RNPS1: variants seen among roughly 807,000 people sequenced by gnomAD.
RNPS1 encodes RNA binding protein with serine rich domain 1.
For synonymous variants in RNPS1, 147 were observed against 150.0 expected (o/e 0.98, Z 0.15); for missense variants, 300 against 427.6 (o/e 0.70, Z 2.63).
chr16:2,267,022 C>T (rs1034347878), intron 1 of RNPS1: 1 of 381,152 alleles, frequency 2.6e-6, no homozygotes, highest in Non-Finnish European at 3.6e-6. Context: ...GCCCCACCCC[C>T]CCAAGAACTA....
intron 1 of RNPS1, chr16:2,267,719 G>A: frequency 2.4e-6 from 3 of 1,253,840 alleles, no homozygotes; most frequent in Non-Finnish European, 3.0e-6. Flanking sequence ...CCTGGCGTTG[G>A]GGGCTTGGGT....
intron 7 of RNPS1, 116 bp from the exon 8 acceptor site, chr16:2,254,179 A>G: frequency 2.7e-6 from 2 of 735,820 alleles, no homozygotes; most frequent in Non-Finnish European, 4.2e-6. Context: ...CTCTGTCTCC[A>G]GGCCAGAGTG....
intron 1 of RNPS1, 91 bp downstream of exon 1, chr16:2,267,963 GC>G: frequency 1.3e-6 from 2 of 1,533,214 alleles, no homozygotes; most frequent in Non-Finnish European, 8.7e-7. Flanking sequence ...GCACTGCGGG[GC>G]TGAGGAGTGG....
intron 6 of RNPS1, among the ~76,000 whole-genome samples, chr16:2,259,266 G>C (rs771850491): frequency 6.6e-6 from 1 of 152,102 alleles, no homozygotes; most frequent in Non-Finnish European, 1.5e-5. Context: ...GGCTGTATTT[G>C]TATAAATGTT....
intron 7 of RNPS1, among the ~76,000 whole-genome samples, chr16:2,255,002 A>T (rs2141533719): frequency 6.6e-6 from 1 of 152,254 alleles, no homozygotes; most frequent in African/African-American, 2.4e-5. Context: ...TCAGCCTCCC[A>T]AAGTGATTAC....
In RNPS1 at chr16:2,264,519, C is replaced by T; in HGVS notation, c.71+54G>A. ...TCTCAACTTTCCCCTTTCTGCGGGTCCCTAGCAGTAAGCACCCCCAAGTAG... is the reference window on the plus strand; with the variant it reads ...TCTCAACTTTCCCCTTTCTGCGGGTTCCTAGCAGTAAGCACCCCCAAGTAG... On this transcript the variant is annotated intron_variant, in intron 2 of 7. Transcript: ENST00000320225. 1.9e-6 allele frequency: 3 copies of T among 1,568,464 alleles called. No homozygotes were observed. In the South Asian group the frequency reaches 3.3e-5, roughly 17 times the overall value.
intron 7 of RNPS1, among the ~76,000 whole-genome samples, chr16:2,254,921 T>G: frequency 6.6e-6 from 1 of 151,522 alleles, no homozygotes. Context: ...TTTTTGTATT[T>G]TTAGTAGAGA....
In RNPS1 at chr16:2,267,926, C is replaced by T; in HGVS notation, c.-118+129G>A. 12 of 1,529,592 alleles carry T rather than the reference C, an allele frequency of 7.8e-6. No individual in the cohort carries two copies. The South Asian group carries it at 1.4e-4, about 18-fold the overall frequency. The allele number at this position is 1,529,592 out of a possible 1,614,324, so 94.8% of individuals were successfully genotyped here. A position where few individuals can be genotyped will look rare whatever the true frequency, so the allele number is the denominator to read the frequency against. On this transcript the variant is annotated intron_variant, in intron 1 of 7. Transcript: ENST00000320225. ...CGGGCCACACTCTTTCTTCTCGGAG[C>T]CCGCACCGCGCTGCCAGGCCACCGC...
chr16:2,259,362 T>C (rs542440594), intron 6 of RNPS1, among the ~76,000 whole-genome samples: 36 of 151,664 alleles, frequency 2.4e-4, no homozygotes, highest in Non-Finnish European at 4.7e-4. Context: ...ATAATTGTTA[T>C]GTTAAATTAT....
chr16:2,259,591 T>TAAA (rs1426472331), intron 6 of RNPS1, among the ~76,000 whole-genome samples: 1 of 152,208 alleles, frequency 6.6e-6, no homozygotes, highest in Non-Finnish European at 1.5e-5. Flanking sequence ...TTCAGGACTC[T>TAAA]TAAAGAGCTA....
rs1316061817 is a variant in RNPS1 at position 2,267,459 on chromosome 16, G to A, written c.-118+596C>T. ...CAAACTGAGCTCGGCCACCGTGCTC[G>A]GTCCATAGTGGGCCGTATCCCCACG... On this transcript the variant is annotated intron_variant, in intron 1 of 7. Coordinates refer to ENST00000320225, the MANE Select transcript of RNPS1 (RefSeq NM_080594.4). The A allele has an allele frequency of 3.1e-6, 3 of 956,380 alleles. No homozygotes were observed. The African/African-American group carries it at 5.3e-5, about 17-fold the overall frequency. 59.2% of individuals were successfully genotyped at this position (956,380 alleles called of 1,614,324 possible).
rs1182526689 is a variant in RNPS1, at chr16:2,268,102, C to T, written c.-165G>A. The T allele has an allele frequency of 4.6e-6, 7 of 1,535,208 alleles. No individual in the cohort carries two copies. The South Asian group carries it at 8.3e-5, about 18-fold the overall frequency. ...CTCCTGCTTTCCTCAGCCGCCGAGG[C>T]CGGCGCCGCTCTGACGTCAGAGTCA... On this transcript the variant is annotated 5_prime_UTR_variant, in exon 1 of 8. Transcript: ENST00000320225.
chr16:2,255,855 T>G (rs1462108125), intron 6 of RNPS1, 129 bp from the exon 7 acceptor site: 6 of 1,052,122 alleles, frequency 5.7e-6, no homozygotes, highest in Non-Finnish European at 8.5e-6. Flanking sequence ...GGGCCGGGCA[T>G]GGTGGCTCAC....
rs59656945 is a variant in RNPS1 at position 2,262,332 on chromosome 16, C to T, written c.622G>A (p.Val208Ile). 3.7e-5 allele frequency: 60 copies of T among 1,613,946 alleles called. No individual in the cohort carries two copies. The highest frequency in any genetic ancestry group is 2.2e-4 in the East Asian group (10 of 44,902). Residue 208 changes from valine to isoleucine, a missense_variant, in exon 6 of 8, where the codon GTA (valine) becomes ATA (isoleucine). Physicochemically the swap from Val to Ile is conservative, Grantham distance 29. Transcript: ENST00000320225. Reference protein sequence around the residue: ...HPHLSKGYAYVEFENPDEAEK... With the variant: ...HPHLSKGYAYIEFENPDEAEK... ...GCTTCATCTGGATTCTCAAACTCTA[C>T]GTACGCATAGCCTTTGGACAGATGG...
In RNPS1 at chr16:2,253,631, A is replaced by C; in HGVS notation, c.*333T>G. 4.5e-6 allele frequency: 2 copies of C among 443,948 alleles called. No homozygotes were observed. Among genetic ancestry groups the C allele is most frequent in the East Asian group, 4.9e-5 (1 of 20,224 alleles). 27.5% of individuals were successfully genotyped at this position (443,948 alleles called of 1,614,324 possible). Reference sequence around the variant, plus strand: ...GGCCACCATCCCAGGTCATCGGGGAAGGGAAAAGTGTGCTCCCAGGTAAGC... The same window carrying C: ...GGCCACCATCCCAGGTCATCGGGGACGGGAAAAGTGTGCTCCCAGGTAAGC... On this transcript the variant is annotated 3_prime_UTR_variant, in exon 8 of 8. Transcript: ENST00000320225.
chr16:2,262,856 C>G lies in RNPS1; in HGVS notation c.420-14G>C, dbSNP rs1056024129. The G allele has an allele frequency of 1.9e-6, 3 of 1,605,604 alleles. No homozygotes were observed. Among genetic ancestry groups the G allele is most frequent in the Admixed American group, 3.3e-5 (2 of 59,802 alleles). On this transcript the variant is annotated splice_polypyrimidine_tract_variant and intron_variant, in intron 4 of 7. Transcript: ENST00000320225. ...GGTGGTTTGGATCTGATTGAGAAAA[C>G]AAAACACCAGAAACAATTTCTGTCA...
At position 2,268,038 on chromosome 16, in the gene RNPS1, A is replaced by C; in HGVS notation, c.-118+17T>G. 1.3e-6 allele frequency: 2 copies of C among 1,534,148 alleles called. No individual in the cohort carries two copies. The highest frequency in any genetic ancestry group is 1.7e-6 in the Non-Finnish European group (2 of 1,146,640). ...GCCCCCGAAACACGGATGCAGTCGG[A>C]TTCCGCCCCAACTTACATCTTCCCG... On this transcript the variant is annotated intron_variant, in intron 1 of 7. Transcript: ENST00000320225.
intron 1 of RNPS1, chr16:2,267,580 A>G: frequency 1.5e-5 from 16 of 1,061,628 alleles, no homozygotes; most frequent in Non-Finnish European, 1.8e-5. Context: ...CCGACCTTCC[A>G]CCGCATCCCA....
In RNPS1 at chr16:2,262,935, G is replaced by C. The variant is rs903302698; in HGVS notation, c.420-93C>G. On this transcript the variant is annotated intron_variant, in intron 4 of 7. Transcript: ENST00000320225. ...TAAGCTCTTATCTGCTTGTGTGACA[G>C]TTTTCATAAGGAAGACTTTCCTGCT... The C allele has an allele frequency of 5.3e-6, 7 of 1,326,204 alleles. No homozygotes were observed. In the Admixed American group the frequency reaches 7.8e-5, roughly 15 times the overall value. The allele number at this position is 1,326,204 out of a possible 1,614,324, so 82.2% of individuals were successfully genotyped here. A position where few individuals can be genotyped will look rare whatever the true frequency, so the allele number is the denominator to read the frequency against.
Sources: gnomAD v4.1 joint callset for allele counts (sites outside exome capture counted in the v4.1 genomes callset) on GRCh38, gnomAD v4.1.1 for gene constraint, MANE v1.5 for transcripts, NCBI Gene and HGNC (gene_info 2026-07-23, HGNC 2026-07-21) for gene names.